Variants in TBC1D19 observed in about 807,000 individuals in gnomAD.
The protein encoded by TBC1D19 is TBC1 domain family member 19.
A neutral mutation model predicts 89.0 loss-of-function variants in TBC1D19; 60 were observed. The ratio of observed to expected loss-of-function variants is 0.67; its 90% confidence interval spans 0.55 to 0.84. The LOEUF is 0.84. TBC1D19 is among the 40% of genes least tolerant of loss of function. The pLI is 0.00. For synonymous variants in TBC1D19, 189 were observed against 199.7 expected, an observed-to-expected ratio of 0.95 and a Z score of 0.45; for missense variants, 500 against 610.8, an observed-to-expected ratio of 0.82 and a Z score of 1.91.
At chr4:26,600,010 A>AT (rs1313135688) in intron 1 of TBC1D19, among the ~76,000 whole-genome samples, 2 of 147,356 alleles carry the variant, frequency 1.4e-5, no homozygotes, top group Non-Finnish European at 3.0e-5. Flanking sequence ...TGATGGGGTG[A>AT]TTAGCATCAG....
At chr4:26,810,658 C>T in the TBC1D19 span, among the ~76,000 whole-genome samples, 1 of 152,058 alleles carries the variant, frequency 6.6e-6, no homozygotes, top group African/African-American at 2.4e-5. Flanking sequence ...TTCATTAGCC[C>T]ACCTCCCACT....
chr4:26,607,094 G>A (rs146200921), intron 1 of TBC1D19, among the ~76,000 whole-genome samples: 1 of 152,280 alleles, frequency 6.6e-6, no homozygotes, highest in African/African-American at 2.4e-5. Context: ...GTGCAGAAGG[G>A]TGGAGGATGT....
chr4:26,588,250 C>A (rs1739544999), intron 1 of TBC1D19, among the ~76,000 whole-genome samples: 1 of 152,084 alleles, frequency 6.6e-6, no homozygotes, highest in Admixed American at 6.5e-5. Context: ...TGGTCTCGAT[C>A]TCCTGACCTC....
chr4:26,610,366 C>T (rs552709420), intron 1 of TBC1D19, among the ~76,000 whole-genome samples: 3 of 151,928 alleles, frequency 2.0e-5, no homozygotes, highest in Admixed American at 2.0e-4. Flanking sequence ...TCACAAACCC[C>T]TCCGTTTCTG....
chr4:26,663,417 A>G (rs1438593916), intron 8 of TBC1D19, among the ~76,000 whole-genome samples: 5 of 152,206 alleles, frequency 3.3e-5, no homozygotes, highest in Non-Finnish European at 7.3e-5. Context: ...ATGATATCTG[A>G]AACTGCTGCA....
chr4:26,749,680 CAA>C (rs1718846338), intron 19 of TBC1D19, among the ~76,000 whole-genome samples: 2 of 152,080 alleles, frequency 1.3e-5, no homozygotes, highest in African/African-American at 2.4e-5. Context: ...CTCCTGACCT[CAA>C]GTGATCCACC....
chr4:26,677,264 A>G (rs528575184), intron 11 of TBC1D19, among the ~76,000 whole-genome samples: 9 of 151,210 alleles, frequency 6.0e-5, no homozygotes, highest in African/African-American at 2.2e-4. Flanking sequence ...TGCCTGGATT[A>G]AAAAAAAACA....
intron 2 of TBC1D19, 52 bp downstream of exon 2, chr4:26,613,293 TA>T: frequency 8.4e-7 from 1 of 1,187,154 alleles, no homozygotes; most frequent in Non-Finnish European, 1.2e-6. Context: ...ATGTTTTATT[TA>T]TTCCTAATTC....
At chr4:26,666,107 T>A (rs1014629087) in intron 8 of TBC1D19, among the ~76,000 whole-genome samples, 5 of 152,000 alleles carry the variant, frequency 3.3e-5, no homozygotes, top group Non-Finnish European at 5.9e-5. Context: ...ATGAAAATAA[T>A]AAATATTATA....
chr4:26,855,467 T>A, the TBC1D19 span, among the ~76,000 whole-genome samples: 1 of 152,246 alleles, frequency 6.6e-6, no homozygotes, highest in South Asian at 2.1e-4. Flanking sequence ...TATCTAGGTA[T>A]TAGCATAAGG....
In TBC1D19 at chr4:26,735,332, A is replaced by G. The variant is rs540569072; in HGVS notation, c.1085-123A>G. The G allele has an allele frequency of 5.6e-5, 40 of 717,852 alleles. No individual in the cohort carries two copies. The South Asian group carries it at 7.7e-4, about 14-fold the overall frequency. The allele number at this position is 717,852 out of a possible 1,614,324, so 44.5% of individuals were successfully genotyped here. A position where few individuals can be genotyped will look rare whatever the true frequency, so the allele number is the denominator to read the frequency against. On this transcript the variant is annotated intron_variant, in intron 15 of 20. Transcript: ENST00000264866. ...TTTACTATCACTAAGTCTTTCTGAC[A>G]TTTATGAACAGAGTTGAAGCAAAAA...
downstream of TBC1D19, among the ~76,000 whole-genome samples, chr4:26,758,690 C>A: frequency 6.6e-6 from 1 of 152,156 alleles, no homozygotes; most frequent in East Asian, 1.9e-4. Context: ...GCTCTTTTGG[C>A]CTTGTTGATC....
At chr4:26,787,616 G>A in the TBC1D19 span, among the ~76,000 whole-genome samples, 1 of 152,128 alleles carries the variant, frequency 6.6e-6, no homozygotes, top group Non-Finnish European at 1.5e-5. Flanking sequence ...ACAAGTTTGT[G>A]GGGCTGGAAA....
intron 3 of TBC1D19, among the ~76,000 whole-genome samples, chr4:26,616,192 G>A (rs896555800): frequency 3.9e-5 from 6 of 152,058 alleles, no homozygotes; most frequent in African/African-American, 1.4e-4. Flanking sequence ...CTAGATAGGA[G>A]GACATAGCTT....
At chr4:26,847,977 T>C in the TBC1D19 span, among the ~76,000 whole-genome samples, 3 of 152,232 alleles carry the variant, frequency 2.0e-5, no homozygotes, top group African/African-American at 7.2e-5. Flanking sequence ...ATGCTAATTA[T>C]GCATCCAAGT....
intron 19 of TBC1D19, among the ~76,000 whole-genome samples, chr4:26,750,840 G>A (rs577679410): frequency 4.6e-5 from 7 of 152,086 alleles, no homozygotes; most frequent in Non-Finnish European, 2.9e-5. Flanking sequence ...TGATTATTTC[G>A]TATACTTTTG....
chr4:26,756,072 A>G lies in TBC1D19; in HGVS notation c.*1125A>G, dbSNP rs191473771. ...TTGATACGCTTATTGATTGCCTAGA[A>G]TTTTATTCAGTTTTACCCAAATGTA... On this transcript the variant is annotated 3_prime_UTR_variant, in exon 21 of 21. Transcript: ENST00000264866. Among the ~76,000 whole-genome samples the G allele has an allele frequency of 1.4e-4, 21 of 152,298 alleles. No homozygotes were observed. Among genetic ancestry groups the G allele is most frequent in the Admixed American group, 3.9e-4 (6 of 15,290 alleles).
intron 7 of TBC1D19, among the ~76,000 whole-genome samples, chr4:26,646,648 G>A (rs1346326541): frequency 6.6e-6 from 1 of 152,138 alleles, no homozygotes; most frequent in Non-Finnish European, 1.5e-5. Flanking sequence ...GTCCTTTATA[G>A]CAACATGGAT....
chr4:26,795,009 C>T, the TBC1D19 span, among the ~76,000 whole-genome samples: 359 of 152,320 alleles, frequency 2.4e-3, 2 homozygotes, highest in African/African-American at 8.2e-3. Context: ...AGCTACCAGC[C>T]AGAGTGATCC....
Sources: allele counts gnomAD v4.1 joint callset (sites outside exome capture counted in the v4.1 genomes callset), GRCh38; gene constraint gnomAD v4.1.1; transcripts MANE v1.5; gene names NCBI Gene and HGNC (gene_info 2026-07-23, HGNC 2026-07-21).